Variants in PAK3 observed in about 807,000 individuals in gnomAD.
PAK3 encodes the protein p21 (RAC1) activated kinase 3, also known as serine/threonine-protein kinase PAK 3.
PAK3 carries 4 observed loss-of-function variants against 41.0 expected under a neutral mutation model. The observed-to-expected ratio is 0.10, with a 90% confidence interval of 0.05 to 0.22. The LOEUF (loss-of-function observed/expected upper bound fraction) is 0.22. PAK3 is among the 10% of genes least tolerant of loss of function. The pLI, the probability that PAK3 is intolerant of heterozygous loss-of-function variation, is 1.00. For synonymous variants in PAK3, 146 were observed against 139.6 expected (o/e 1.05, Z -0.32); for missense variants, 205 against 409.9 (o/e 0.50, Z 4.32).
chrX:111,145,858 G>T (rs976667275), intron 6 of PAK3, among the ~76,000 whole-genome samples: 3 of 111,851 alleles, frequency 2.7e-5, no homozygotes, highest in African/African-American at 9.7e-5. Flanking sequence ...AAATGGAATT[G>T]TTCCCCTTTC....
At chrX:111,214,882 G>A (rs2094860676) in intron 16 of PAK3, among the ~76,000 whole-genome samples, 1 of 111,614 alleles carries the variant, frequency 9.0e-6, no homozygotes, top group Non-Finnish European at 1.9e-5. Context: ...GCAAGTTCAG[G>A]GGGAACATGT....
intron 1 of PAK3, among the ~76,000 whole-genome samples, chrX:110,962,031 G>A (rs1003576419): frequency 2.7e-5 from 3 of 111,809 alleles, no homozygotes; most frequent in African/African-American, 9.8e-5. Context: ...AAAATATGAG[G>A]AATCTCTTCT....
intron 1 of PAK3, among the ~76,000 whole-genome samples, chrX:111,030,474 C>T (rs978473215): frequency 8.9e-6 from 1 of 111,952 alleles, no homozygotes; most frequent in African/African-American, 3.2e-5. Context: ...CTTTGAGAGA[C>T]TACATTAATT....
upstream of PAK3, among the ~76,000 whole-genome samples, chrX:111,091,884 T>C (rs1170853754): frequency 9.1e-6 from 1 of 110,173 alleles, no homozygotes; most frequent in Non-Finnish European, 1.9e-5. Flanking sequence ...GTGGGGACAC[T>C]TTTTTTTTAG....
At chrX:111,152,853 A>G in intron 8 of PAK3, 1 of 123,147 alleles carries the variant, frequency 8.1e-6, no homozygotes, top group East Asian at 2.3e-4. Context: ...CAGTTTATTT[A>G]TTTTAAGATT....
chrX:111,091,268 C>T (rs2092927077), upstream of PAK3, among the ~76,000 whole-genome samples: 1 of 111,300 alleles, frequency 9.0e-6, no homozygotes, highest in Non-Finnish European at 1.9e-5. Context: ...GAAAGAAGGT[C>T]AGGAGAAATC....
At chrX:111,113,090 G>C (rs941123247) in intron 4 of PAK3, among the ~76,000 whole-genome samples, 20 of 111,226 alleles carry the variant, frequency 1.8e-4, no homozygotes, top group African/African-American at 6.5e-4. Flanking sequence ...ATATACTGTT[G>C]AATAATAATA....
intron 1 of PAK3, among the ~76,000 whole-genome samples, chrX:111,035,765 C>CAGCTTCAGCT (rs2092394173): frequency 8.9e-6 from 1 of 111,849 alleles, no homozygotes; most frequent in African/African-American, 3.3e-5. Flanking sequence ...TTGCTTCAGC[C>CAGCTTCAGCT]CTTGAGGGAA....
chrX:110,976,108 A>G (rs1440105222), intron 1 of PAK3, among the ~76,000 whole-genome samples: 1 of 112,255 alleles, frequency 8.9e-6, no homozygotes, highest in African/African-American at 3.2e-5. Context: ...AAACAGACAA[A>G]TGAGATCTAA....
intron 1 of PAK3, among the ~76,000 whole-genome samples, chrX:111,060,551 C>T (rs1349175558): frequency 9.0e-6 from 1 of 111,020 alleles, no homozygotes; most frequent in Admixed American, 9.6e-5. Context: ...GACTTCTTGT[C>T]CTGGGCTTTT....
In PAK3 at chrX:111,089,584, C is replaced by T. The variant is rs1236124114; in HGVS notation, c.-27-33493C>T. Among the ~76,000 whole-genome samples, 3 of 111,015 alleles carry T rather than the reference C, an allele frequency of 2.7e-5. No homozygotes were observed. The East Asian group carries it at 8.6e-4, about 32-fold the overall frequency. ...GAGTCTGGAAATATGTGTTCAATAT[C>T]ATTGGGTAGGGAAAGGAGGGAGAAA... On this transcript the variant is annotated intron_variant, in intron 1 of 14. Coordinates refer to the PAK3 transcript ENST00000425146.
chrX:111,142,722 A>G (rs1052023067), intron 6 of PAK3, among the ~76,000 whole-genome samples: 1 of 111,657 alleles, frequency 9.0e-6, no homozygotes. Context: ...TTCAAAAAAC[A>G]AACCTTATAT....
intron 1 of PAK3, among the ~76,000 whole-genome samples, chrX:110,995,168 T>TA (rs960573239): frequency 3.6e-5 from 4 of 111,171 alleles, no homozygotes; most frequent in African/African-American, 1.3e-4. Flanking sequence ...CTAGAAAGCA[T>TA]AAAAAAACCA....
At chrX:110,985,886 ACAGTC>A (rs2091533820) in intron 1 of PAK3, among the ~76,000 whole-genome samples, 2 of 111,744 alleles carry the variant, frequency 1.8e-5, no homozygotes, top group South Asian at 7.7e-4. Context: ...GAGAATGAGA[ACAGTC>A]TCATTTCCAC....
chrX:111,150,845 T>C (rs1218887454), intron 7 of PAK3, among the ~76,000 whole-genome samples: 1 of 112,048 alleles, frequency 8.9e-6, no homozygotes, highest in East Asian at 2.8e-4. Context: ...TTTATTAACT[T>C]ATTAACATCT....
intron 17 of PAK3, chrX:111,216,884 A>G: frequency 2.7e-6 from 2 of 733,098 alleles, no homozygotes; most frequent in African/African-American, 4.6e-5. Flanking sequence ...TGTTGTATGC[A>G]GGTGCTCTTG....
At chrX:111,042,336 C>T (rs953236802) in intron 1 of PAK3, among the ~76,000 whole-genome samples, 1 of 112,201 alleles carries the variant, frequency 8.9e-6, no homozygotes, top group Admixed American at 9.4e-5. Context: ...TCCACACCAT[C>T]TCCTGCTGCC....
chrX:111,152,520 T>C lies in PAK3; in HGVS notation c.468+73T>C. On this transcript the variant is annotated intron_variant, in intron 8 of 17. Coordinates refer to ENST00000372007, the MANE Select transcript of PAK3 (RefSeq NM_002578.5). ...ATTTAAGAGAATATAACTGCACAGA[T>C]CCAGTTTTTAGATATAAAGTCTTTT... The C allele has an allele frequency of 8.5e-6, 6 of 706,273 alleles. No homozygotes were observed. In the South Asian group the frequency reaches 1.4e-4, roughly 16 times the overall value. The allele number at this position is 706,273 out of a possible 1,213,427, so 58.2% of individuals were successfully genotyped here.
At chrX:111,003,874 G>C in intron 1 of PAK3, among the ~76,000 whole-genome samples, 1 of 112,314 alleles carries the variant, frequency 8.9e-6, no homozygotes, top group Middle Eastern at 4.6e-3. Flanking sequence ...ATTCTGCAAC[G>C]AGACTGCTTA....
Sources: allele counts gnomAD v4.1 joint callset (sites outside exome capture counted in the v4.1 genomes callset), GRCh38; gene constraint gnomAD v4.1.1; transcripts MANE v1.5; gene names NCBI Gene and HGNC (gene_info 2026-07-23, HGNC 2026-07-21).